The following CDC14B variants were observed in gnomAD, a reference collection of about 807,000 sequenced individuals.
The protein encoded by CDC14B is cell division cycle 14B, also known as dual specificity protein phosphatase CDC14B.
In CDC14B, 22 loss-of-function variants were observed where a neutral mutation model predicts 64.2. The observed-to-expected ratio is 0.34, with a 90% CI of 0.24 to 0.49. The LOEUF (loss-of-function observed/expected upper bound fraction) is 0.49. Ranked by LOEUF, CDC14B falls within the 20% of genes least tolerant of loss-of-function variation. The pLI, the probability that CDC14B is intolerant of heterozygous loss-of-function variation, is 0.99. For missense variants in CDC14B, 498 were observed against 629.9 expected (o/e 0.79, Z 2.24); for synonymous variants, 191 against 215.8 (o/e 0.89, Z 1.01).
At chr9:96,566,074 G>GAA (rs397738561) in intron 1 of CDC14B, among the ~76,000 whole-genome samples, 2 of 151,884 alleles carry the variant, frequency 1.3e-5, no homozygotes, top group East Asian at 3.9e-4. Context: ...GAAGCAATGA[G>GAA]GTTTCTGCAT....
At chr9:96,545,572 C>T (rs1429629109) in intron 5 of CDC14B, among the ~76,000 whole-genome samples, 1 of 152,198 alleles carries the variant, frequency 6.6e-6, no homozygotes, top group East Asian at 1.9e-4. Context: ...CCTACCTTGG[C>T]CTTCCAAAGT....
At chr9:96,558,612 A>G (rs758550456) in intron 4 of CDC14B, among the ~76,000 whole-genome samples, 3 of 152,244 alleles carry the variant, frequency 2.0e-5, no homozygotes, top group Non-Finnish European at 4.4e-5. Flanking sequence ...TTTTTACAAC[A>G]AAATTAACAA....
At chr9:96,506,323 G>A (rs1834125224) in intron 13 of CDC14B, among the ~76,000 whole-genome samples, 1 of 152,122 alleles carries the variant, frequency 6.6e-6, no homozygotes, top group Non-Finnish European at 1.5e-5. Flanking sequence ...AAACAGAAAT[G>A]AATACTATTT....
chr9:96,548,926 C>T (rs73542473), intron 5 of CDC14B, among the ~76,000 whole-genome samples: 2,568 of 152,128 alleles, frequency 0.017, 73 homozygotes, highest in African/African-American at 0.059. Context: ...TGCACAACGT[C>T]GTGTTAGCAA....
intron 6 of CDC14B, 132 bp downstream of exon 6, chr9:96,541,694 T>C (rs1840083131): frequency 1.0e-5 from 5 of 486,404 alleles, no homozygotes; most frequent in Non-Finnish European, 1.8e-5. Context: ...AGTTGGGAAA[T>C]GGAGCACCTC....
downstream of CDC14B, among the ~76,000 whole-genome samples, chr9:96,497,166 A>C (rs199670171): frequency 6.6e-6 from 1 of 152,204 alleles, no homozygotes; most frequent in East Asian, 1.9e-4. Flanking sequence ...GGCCCATTAG[A>C]GCCTCCGCGG....
chr9:96,513,524 G>A (rs1217894075), intron 12 of CDC14B, among the ~76,000 whole-genome samples: 1 of 152,126 alleles, frequency 6.6e-6, no homozygotes, highest in Non-Finnish European at 1.5e-5. Context: ...CCTACCTCTT[G>A]CCTATATTCC....
intron 5 of CDC14B, among the ~76,000 whole-genome samples, chr9:96,546,756 G>A (rs1419991040): frequency 2.0e-5 from 3 of 149,086 alleles, no homozygotes; most frequent in African/African-American, 7.3e-5. Flanking sequence ...GGCCACGACA[G>A]TGATTTTTAA....
intron 4 of CDC14B, among the ~76,000 whole-genome samples, chr9:96,555,694 A>T (rs1374137918): frequency 6.6e-6 from 1 of 152,234 alleles, no homozygotes; most frequent in Non-Finnish European, 1.5e-5. Flanking sequence ...TTTCTCTAGG[A>T]TAAAGACTCT....
At position 96,522,609 on chromosome 9, in the gene CDC14B, TA is replaced by T. The variant is rs1474245262; in HGVS notation, c.1246-7del. 6.3e-7 allele frequency: 1 copy of T among 1,585,168 alleles called. No individual in the cohort carries two copies. The highest frequency in any genetic ancestry group is 8.7e-7 in the Non-Finnish European group (1 of 1,153,746). On this transcript the variant is annotated splice_polypyrimidine_tract_variant and splice_region_variant and intron_variant, in intron 11 of 13. Transcript: ENST00000375241. ...ATTTCGTCATCATCACTGTACTGTGTAAGTAAAAAAACACTGAGCTAATGAT... is the reference window on the plus strand; with the variant it reads ...ATTTCGTCATCATCACTGTACTGTGTAGTAAAAAAACACTGAGCTAATGAT...
intron 1 of CDC14B, among the ~76,000 whole-genome samples, chr9:96,594,101 A>T (rs1221695099): frequency 1.3e-5 from 2 of 152,232 alleles, no homozygotes; most frequent in African/African-American, 4.8e-5. Flanking sequence ...AAAATACATT[A>T]TACGTTTTTC....
intron 13 of CDC14B, among the ~76,000 whole-genome samples, chr9:96,505,921 C>G (rs920199422): frequency 6.6e-5 from 10 of 152,326 alleles, no homozygotes; most frequent in African/African-American, 1.7e-4. Flanking sequence ...GACATCACTC[C>G]TATTTTTTCA....
rs1839674062 is a variant in CDC14B at position 96,539,015 on chromosome 9, A to G, written c.627+63T>C. The G allele has an allele frequency of 5.9e-6, 6 of 1,015,540 alleles. No individual in the cohort carries two copies. The Admixed American group carries it at 1.1e-4, about 19-fold the overall frequency. The allele number at this position is 1,015,540 out of a possible 1,614,324, so 62.9% of individuals were successfully genotyped here. On this transcript the variant is annotated intron_variant, in intron 7 of 13. Transcript: ENST00000375241. ...TATATATAAGTTTTATTTGTCAATT[A>G]TTCCCCTCAATAAAGCTGGGCGGGG...
intron 11 of CDC14B, among the ~76,000 whole-genome samples, chr9:96,522,815 T>C (rs1457375411): frequency 6.7e-6 from 1 of 150,188 alleles, no homozygotes; most frequent in Non-Finnish European, 1.5e-5. Context: ...AGAAAACACA[T>C]CAACAGTGAA....
intron 12 of CDC14B, among the ~76,000 whole-genome samples, chr9:96,512,672 C>T (rs10120119): frequency 0.15 from 22,129 of 152,154 alleles, 1,715 homozygotes; most frequent in Non-Finnish European, 0.18. Flanking sequence ...ATTTATTCAT[C>T]TCTGCTAAGA....
Position 96,502,513 on chromosome 9 carries a change from A to C in CDC14B, c.*1240T>G, listed in dbSNP as rs971667055. On this transcript the variant is annotated 3_prime_UTR_variant, in exon 14 of 14. Transcript: ENST00000375241. ...CTCCATGCTCCCGGCACAGGCAAAA[A>C]TGGCTTAACAATCATTAAACCACCC... 3.1e-5 allele frequency: 6 copies of C among 194,128 alleles called. No individual in the cohort carries two copies. The highest frequency in any genetic ancestry group is 1.2e-4 in the African/African-American group (5 of 43,170). The allele number at this position is 194,128 out of a possible 1,614,324, so 12.0% of individuals were successfully genotyped here. A position where few individuals can be genotyped will look rare whatever the true frequency, so the allele number is the denominator to read the frequency against.
intron 9 of CDC14B, among the ~76,000 whole-genome samples, chr9:96,529,029 C>T (rs1475620102): frequency 1.3e-5 from 2 of 152,156 alleles, no homozygotes; most frequent in African/African-American, 4.8e-5. Flanking sequence ...AATATTTTCT[C>T]CCAATCCATG....
At chr9:96,610,493 C>T (rs1301206996) in intron 1 of CDC14B, among the ~76,000 whole-genome samples, 5 of 152,062 alleles carry the variant, frequency 3.3e-5, no homozygotes, top group Admixed American at 6.6e-5. Context: ...CCACCGCACC[C>T]GGCAAGAATA....
intron 5 of CDC14B, among the ~76,000 whole-genome samples, chr9:96,544,110 G>A (rs922129416): frequency 7.2e-5 from 11 of 152,010 alleles, no homozygotes; most frequent in African/African-American, 1.9e-4. Context: ...CCAGCTACCC[G>A]GGAGGCTGAG....
Sources: allele counts gnomAD v4.1 joint callset (sites outside exome capture counted in the v4.1 genomes callset), GRCh38; gene constraint gnomAD v4.1.1; transcripts MANE v1.5; gene names NCBI Gene and HGNC (gene_info 2026-07-23, HGNC 2026-07-21).